The following NAV3 variants were observed in gnomAD, a reference collection of about 807,000 sequenced individuals.
NAV3 encodes neuron navigator 3.
A neutral mutation model predicts 244.7 loss-of-function variants in NAV3; 87 were observed. The ratio of observed to expected loss-of-function variants is 0.36; its 90% confidence interval spans 0.30 to 0.42. NAV3 has a LOEUF of 0.42. Ranked by LOEUF, NAV3 falls within the 20% of genes least tolerant of loss-of-function variation. The probability of loss-of-function intolerance (pLI) is 1.00; values close to 1 mark genes in which losing one functional copy is unlikely to be tolerated. For missense variants in NAV3, 2,663 were observed against 2,893.3 expected, an observed-to-expected ratio of 0.92 and a Z score of 1.83; for synonymous variants, 1,126 against 1,042.2, an observed-to-expected ratio of 1.08 and a Z score of -1.55.
At chr12:77,925,985 G>A (rs1443494913) in intron 1 of NAV3, among the ~76,000 whole-genome samples, 2 of 152,100 alleles carry the variant, frequency 1.3e-5, no homozygotes, top group African/African-American at 4.8e-5. Flanking sequence ...TAAAAAGAAG[G>A]AAAGAAAGTT....
chr12:77,924,388 G>A (rs1468511518), intron 1 of NAV3, among the ~76,000 whole-genome samples: 1 of 152,086 alleles, frequency 6.6e-6, no homozygotes, highest in East Asian at 1.9e-4. Context: ...TGGAAATGAA[G>A]TCCTTGGTGA....
At chr12:78,104,043 G>A (rs556225951) in intron 12 of NAV3, among the ~76,000 whole-genome samples, 6 of 152,206 alleles carry the variant, frequency 3.9e-5, no homozygotes, top group Non-Finnish European at 7.3e-5. Flanking sequence ...GTATTCTTAT[G>A]ATTGTAGTTG....
At chr12:77,888,677 A>G (rs577106464) in intron 1 of NAV3, among the ~76,000 whole-genome samples, 2 of 152,262 alleles carry the variant, frequency 1.3e-5, no homozygotes, top group East Asian at 3.9e-4. Context: ...GAATTATCTA[A>G]TATGTATCCA....
chr12:77,605,147 AATAAT>A (rs1870613685), intron 2 of NAV3, among the ~76,000 whole-genome samples: 1 of 152,144 alleles, frequency 6.6e-6, no homozygotes, highest in Admixed American at 6.6e-5. Flanking sequence ...AGCAATTCTA[AATAAT>A]ATAAGATAAA....
intron 1 of NAV3, among the ~76,000 whole-genome samples, chr12:77,882,469 A>G (rs1281983738): frequency 1.3e-5 from 2 of 152,156 alleles, no homozygotes; most frequent in Non-Finnish European, 2.9e-5. Context: ...GCCTTAAACT[A>G]TACAAACCCT....
chr12:77,667,016 C>G (rs696467), intron 2 of NAV3, among the ~76,000 whole-genome samples: 23,026 of 152,070 alleles, frequency 0.15, 2,622 homozygotes, highest in African/African-American at 0.32. Flanking sequence ...TTAGATTTAT[C>G]AGTCCCATGT....
At chr12:77,904,360 T>C (rs1211399026) in intron 1 of NAV3, among the ~76,000 whole-genome samples, 3 of 152,154 alleles carry the variant, frequency 2.0e-5, no homozygotes, top group Non-Finnish European at 4.4e-5. Flanking sequence ...TGGATGAAGC[T>C]GGAAACCATC....
chr12:78,120,012 A>C (rs939345099), intron 15 of NAV3, 67 bp downstream of exon 15: 15 of 1,183,498 alleles, frequency 1.3e-5, no homozygotes, highest in Non-Finnish European at 1.8e-5. Context: ...CATACATTAC[A>C]TATAAATGTG....
chr12:78,192,764 A>G (rs1959040726), intron 34 of NAV3, among the ~76,000 whole-genome samples: 1 of 152,084 alleles, frequency 6.6e-6, no homozygotes, highest in South Asian at 2.1e-4. Flanking sequence ...GAAAACACAA[A>G]TTATAACTAA....
At chr12:77,761,795 G>A (rs1274170082) in intron 2 of NAV3, among the ~76,000 whole-genome samples, 1 of 152,220 alleles carries the variant, frequency 6.6e-6, no homozygotes, top group Non-Finnish European at 1.5e-5. Context: ...TGGAAAGGTT[G>A]TGGAGAAATA....
At chr12:77,753,662 G>A (rs538836451) in intron 2 of NAV3, among the ~76,000 whole-genome samples, 1 of 152,106 alleles carries the variant, frequency 6.6e-6, no homozygotes, top group Admixed American at 6.6e-5. Flanking sequence ...GAAAAAGGAG[G>A]GGGAAGTAGG....
intron 2 of NAV3, among the ~76,000 whole-genome samples, chr12:77,747,305 G>C (rs2092452322): frequency 6.6e-6 from 1 of 152,110 alleles, no homozygotes; most frequent in Admixed American, 6.6e-5. Flanking sequence ...CTGACCATCA[G>C]AGAAATGCAA....
At chr12:78,027,848 T>G (rs1878333892) in intron 9 of NAV3, among the ~76,000 whole-genome samples, 1 of 152,230 alleles carries the variant, frequency 6.6e-6, no homozygotes, top group Non-Finnish European at 1.5e-5. Context: ...GTTTGTTTGC[T>G]TATTTTTCAT....
At chr12:78,126,195 A>G (rs1012551692) in intron 16 of NAV3, among the ~76,000 whole-genome samples, 2 of 152,322 alleles carry the variant, frequency 1.3e-5, no homozygotes, top group Non-Finnish European at 2.9e-5. Flanking sequence ...TCAGTGCTAA[A>G]TAATGGAGTA....
intron 2 of NAV3, among the ~76,000 whole-genome samples, chr12:77,709,072 C>T (rs1044789623): frequency 6.6e-6 from 1 of 152,122 alleles, no homozygotes; most frequent in Non-Finnish European, 1.5e-5. Flanking sequence ...TGCCTGATTG[C>T]CCTGGCCAGA....
At chr12:77,831,730 C>G (rs2136081347) in intron 1 of NAV3, 26 bp downstream of exon 1, 1 of 1,565,522 alleles carries the variant, frequency 6.4e-7, no homozygotes, top group African/African-American at 1.4e-5. Flanking sequence ...TACCTGCAGA[C>G]TTGTGTAGCT....
intron 2 of NAV3, among the ~76,000 whole-genome samples, chr12:77,688,039 A>G (rs1463710689): frequency 1.3e-5 from 2 of 152,108 alleles, no homozygotes; most frequent in Non-Finnish European, 2.9e-5. Context: ...TATAAATATC[A>G]TAGCCAATTA....
intron 2 of NAV3, among the ~76,000 whole-genome samples, chr12:77,616,654 A>G (rs1328265170): frequency 2.0e-5 from 3 of 151,962 alleles, no homozygotes; most frequent in Non-Finnish European, 4.4e-5. Flanking sequence ...GGGAGACTAG[A>G]TCTTCCTACC....
chr12:78,109,317 C>T (rs777058414), intron 12 of NAV3, among the ~76,000 whole-genome samples: 1 of 151,954 alleles, frequency 6.6e-6, no homozygotes, highest in East Asian at 1.9e-4. Flanking sequence ...TAAAAAACAT[C>T]TCCCAACTCT....
Sources: allele counts gnomAD v4.1 joint callset (sites outside exome capture counted in the v4.1 genomes callset), GRCh38; gene constraint gnomAD v4.1.1; transcripts MANE v1.5; gene names NCBI Gene and HGNC (gene_info 2026-07-23, HGNC 2026-07-21).